OPCML: variants seen among roughly 807,000 people sequenced by gnomAD.
OPCML encodes opioid-binding protein/cell adhesion molecule.
A neutral mutation model predicts 37.8 loss-of-function variants in OPCML; 13 were observed. The observed-to-expected ratio is 0.34, with a 90% CI of 0.22 to 0.55. The LOEUF (loss-of-function observed/expected upper bound fraction) is 0.55. Ranked by LOEUF, OPCML falls within the 20% of genes least tolerant of loss-of-function variation. OPCML has a pLI of 0.91. For missense variants in OPCML, 341 were observed against 435.6 expected (o/e 0.78, Z 1.93); for synonymous variants, 176 against 168.8 (o/e 1.04, Z -0.33).
At chr11:133,051,588 A>G (rs1006880654) in intron 1 of OPCML, among the ~76,000 whole-genome samples, 3 of 152,024 alleles carry the variant, frequency 2.0e-5, no homozygotes, top group Admixed American at 1.3e-4. Flanking sequence ...CGGTTCACAC[A>G]TCTCCCCAGC....
intron 1 of OPCML, among the ~76,000 whole-genome samples, chr11:133,035,237 G>A (rs1174208295): frequency 2.0e-5 from 3 of 152,314 alleles, no homozygotes; most frequent in African/African-American, 4.8e-5. Context: ...TGTCGCCGAG[G>A]GCAGCAGCAA....
At chr11:133,015,940 C>T (rs1376496815) in intron 1 of OPCML, among the ~76,000 whole-genome samples, 1 of 152,168 alleles carries the variant, frequency 6.6e-6, no homozygotes, top group Non-Finnish European at 1.5e-5. Context: ...CTCCCTTCAC[C>T]CCTAGCATAC....
At chr11:132,494,434 T>C (rs781068085) in intron 4 of OPCML, among the ~76,000 whole-genome samples, 9 of 152,232 alleles carry the variant, frequency 5.9e-5, no homozygotes, top group Non-Finnish European at 1.3e-4. Flanking sequence ...TATTTATTTT[T>C]TCTTCTATTT....
intron 7 of OPCML, among the ~76,000 whole-genome samples, chr11:132,432,643 C>T (rs187252990): frequency 6.6e-6 from 1 of 152,158 alleles, no homozygotes; most frequent in African/African-American, 2.4e-5. Flanking sequence ...CATATATTCA[C>T]ACATTCATTC....
chr11:132,543,244 G>A (rs1446262226), intron 3 of OPCML, among the ~76,000 whole-genome samples: 1 of 152,112 alleles, frequency 6.6e-6, no homozygotes, highest in Non-Finnish European at 1.5e-5. Flanking sequence ...AGGAGTGGTG[G>A]CTCACACATG....
chr11:133,114,937 T>C (rs1463432722), intron 1 of OPCML, among the ~76,000 whole-genome samples: 1 of 152,256 alleles, frequency 6.6e-6, no homozygotes, highest in Non-Finnish European at 1.5e-5. Context: ...TTCTTAAAAC[T>C]GAAGAAAACT....
intron 1 of OPCML, among the ~76,000 whole-genome samples, chr11:133,189,774 T>G (rs779753870): frequency 5.9e-5 from 9 of 152,198 alleles, no homozygotes; most frequent in Non-Finnish European, 8.8e-5. Flanking sequence ...TCCAATCAAT[T>G]CAAGGTAGAC....
At chr11:132,681,636 A>C (rs1314783908) in intron 2 of OPCML, among the ~76,000 whole-genome samples, 2 of 152,090 alleles carry the variant, frequency 1.3e-5, no homozygotes, top group Non-Finnish European at 2.9e-5. Context: ...GATGCCGGAC[A>C]AGAACTCGGG....
At chr11:132,904,170 T>C (rs1234292563) in intron 2 of OPCML, among the ~76,000 whole-genome samples, 3 of 152,178 alleles carry the variant, frequency 2.0e-5, no homozygotes, top group Non-Finnish European at 4.4e-5. Flanking sequence ...GACACCCTTT[T>C]TTGAGCTTAT....
At chr11:132,966,091 A>AT (rs1025926727) in intron 1 of OPCML, among the ~76,000 whole-genome samples, 3 of 149,984 alleles carry the variant, frequency 2.0e-5, no homozygotes, top group Non-Finnish European at 4.5e-5. Flanking sequence ...TTAGTTTTCT[A>AT]TTTTTTTCCC....
chr11:133,063,782 G>A (rs1039698335), intron 1 of OPCML, among the ~76,000 whole-genome samples: 4 of 152,100 alleles, frequency 2.6e-5, no homozygotes, highest in African/African-American at 7.2e-5. Context: ...GGCTGGTCTT[G>A]AACTCCTGAC....
chr11:132,902,059 G>T (rs1007369809), intron 2 of OPCML, among the ~76,000 whole-genome samples: 2 of 152,208 alleles, frequency 1.3e-5, no homozygotes, highest in African/African-American at 4.8e-5. Context: ...TTATGTAAAT[G>T]AAGATACTTC....
chr11:132,964,271 G>A (rs1330386535), intron 1 of OPCML, among the ~76,000 whole-genome samples: 1 of 152,214 alleles, frequency 6.6e-6, no homozygotes, highest in Non-Finnish European at 1.5e-5. Context: ...GCAGAAGAGA[G>A]AATCTCCAGT....
intron 1 of OPCML, among the ~76,000 whole-genome samples, chr11:133,129,083 G>A (rs1949564333): frequency 6.6e-6 from 1 of 152,190 alleles, no homozygotes; most frequent in African/African-American, 2.4e-5. Context: ...CAGGGGAAGG[G>A]GAAACAGGTG....
intron 4 of OPCML, among the ~76,000 whole-genome samples, chr11:132,472,570 C>T (rs2096141342): frequency 6.6e-6 from 1 of 152,178 alleles, no homozygotes; most frequent in African/African-American, 2.4e-5. Context: ...TGTAATTCTG[C>T]CTGTAAAAGC....
At chr11:133,007,463 C>A in intron 1 of OPCML, 4 of 985,434 alleles carry the variant, frequency 4.1e-6, no homozygotes, top group Non-Finnish European at 4.8e-6. Context: ...CAAAGCCCTG[C>A]TGATTATTCT....
chr11:133,157,147 T>C (rs1293391126), intron 1 of OPCML, among the ~76,000 whole-genome samples: 1 of 152,160 alleles, frequency 6.6e-6, no homozygotes, highest in Admixed American at 6.5e-5. Flanking sequence ...CTGAAGCTAA[T>C]GAGCAAAATA....
intron 3 of OPCML, among the ~76,000 whole-genome samples, chr11:132,568,897 G>A (rs959007889): frequency 6.6e-5 from 10 of 152,158 alleles, no homozygotes; most frequent in Non-Finnish European, 1.3e-4. Context: ...TTAATTCATA[G>A]CAGAGTGAAT....
intron 3 of OPCML, among the ~76,000 whole-genome samples, chr11:132,543,003 TG>T (rs961829637): frequency 6.6e-6 from 1 of 152,124 alleles, no homozygotes; most frequent in African/African-American, 2.4e-5. Flanking sequence ...GGGAGGAAGA[TG>T]GGATTTGGAA....
Sources: allele counts gnomAD v4.1 joint callset (sites outside exome capture counted in the v4.1 genomes callset), GRCh38; gene constraint gnomAD v4.1.1; transcripts MANE v1.5; gene names NCBI Gene and HGNC (gene_info 2026-07-23, HGNC 2026-07-21).